The following RAB34 variants were observed in gnomAD, a reference collection of about 807,000 sequenced individuals.
RAB34 encodes RAB34, member RAS oncogene family.
RAB34 carries 33 observed loss-of-function variants against 39.0 expected under a neutral mutation model. The ratio of observed to expected loss-of-function variants is 0.85; its 90% CI spans 0.64 to 1.13. The LOEUF is 1.13. Among genes scored for constraint, RAB34 ranks in the 50% most tolerant of loss-of-function variants. The pLI is 0.00. For missense variants in RAB34, 289 were observed against 326.1 expected (o/e 0.89, Z 0.88); for synonymous variants, 135 against 125.1 (o/e 1.08, Z -0.53).
Position 28,716,974 on chromosome 17 carries a change from A to G in RAB34, c.75T>C (p.Ala25=), listed in dbSNP as rs775256706. 6.2e-7 allele frequency: 1 copy of G among 1,613,518 alleles called. No individual in the cohort carries two copies. The highest frequency in any genetic ancestry group is 1.1e-5 in the South Asian group (1 of 91,042). ...GGTGGAAGTCTTTGTGCCCGTGCAA[A>G]GCGGCCTCCTTCCTCAGGCACTTAG... ...ELPQCLRKEA[A]LHGHKDFHPR... The change falls in exon 2 of 10, where the codon GCT becomes GCC. Residue 25 remains alanine (A), a synonymous_variant. Coordinates refer to ENST00000395245, the MANE Select transcript of RAB34 (RefSeq NM_031934.6).
chr17:28,715,384 T>C lies in RAB34; in HGVS notation c.431+72A>G. On this transcript the variant is annotated intron_variant, in intron 6 of 9. Transcript: ENST00000395245. Reference sequence around the variant, plus strand: ...TCTGGTCCTACATGCATTCTTCTTCTTCCTGACCACCCCTCTGTTCTGAAC... The same window carrying C: ...TCTGGTCCTACATGCATTCTTCTTCCTCCTGACCACCCCTCTGTTCTGAAC... 1.9e-6 allele frequency: 3 copies of C among 1,602,492 alleles called. 1 individual carries two copies. Among genetic ancestry groups the C allele is most frequent in the Non-Finnish European group, 2.6e-6 (3 of 1,172,116 alleles).
upstream of RAB34, chr17:28,718,280 C>T (rs527782156): frequency 5.9e-6 from 9 of 1,535,974 alleles, no homozygotes; most frequent in African/African-American, 1.4e-5. Flanking sequence ...AGTCTGCCCC[C>T]TCTCGCCCTT....
At position 28,717,456 on chromosome 17, in the gene RAB34, C is replaced by A. The variant is rs776083308; in HGVS notation, c.-190G>T. 6.8e-7 allele frequency: 1 copy of A among 1,467,652 alleles called. No homozygotes were observed. Among genetic ancestry groups the A allele is most frequent in the South Asian group, 1.3e-5 (1 of 76,726 alleles). 90.9% of individuals were successfully genotyped at this position (1,467,652 alleles called of 1,614,324 possible). A position where few individuals can be genotyped will look rare whatever the true frequency, so the allele number is the denominator to read the frequency against. ...ACCACCGCGGGCCACGGAGATGAAA[C>A]AATCACCCGGGGCCGCGGCGAGCCC... On this transcript the variant is annotated 5_prime_UTR_variant, in exon 1 of 10. Transcript: ENST00000395245.
chr17:28,714,408 T>A lies in RAB34; in HGVS notation c.*235A>T, dbSNP rs571361988. ...CAGAGACACTCTCCCTCACTACCAC[T>A]GGGCGCCCTGGACAGTCCCCTGAGG... On this transcript the variant is annotated 3_prime_UTR_variant, in exon 10 of 10. Coordinates refer to ENST00000395245, the MANE Select transcript of RAB34 (RefSeq NM_031934.6). The A allele has an allele frequency of 7.9e-5, 58 of 733,888 alleles. No homozygotes were observed. In the African/African-American group the frequency reaches 9.5e-4, roughly 12 times the overall value. 45.5% of individuals were successfully genotyped at this position (733,888 alleles called of 1,614,324 possible).
chr17:28,718,415 G>T, upstream of RAB34: 1 of 631,944 alleles, frequency 1.6e-6, no homozygotes, highest in Non-Finnish European at 2.6e-6. Context: ...CTTCAAGGCT[G>T]CTGTGTAGAT....
chr17:28,716,016 C>T lies in RAB34; in HGVS notation c.189G>A (p.Val63=). ...SKVIVVGDLS[V]GKTCLINRFC... ...ACCTATTAATGAGGCAAGTCTTCCC[C>T]ACCGACAGGTCCCCCACCACAATGA... The change falls in exon 3 of 10, where the codon GTG becomes GTA. Residue 63 remains valine (V), a synonymous_variant. Coordinates refer to ENST00000395245, the MANE Select transcript of RAB34 (RefSeq NM_031934.6). The T allele has an allele frequency of 6.2e-7, 1 of 1,614,050 alleles. No homozygotes were observed. The highest frequency in any genetic ancestry group is 8.5e-7 in the Non-Finnish European group (1 of 1,180,016).
chr17:28,717,437 G>C lies in RAB34; in HGVS notation c.-171C>G. The C allele has an allele frequency of 1.3e-6, 2 of 1,483,234 alleles. No homozygotes were observed. Among genetic ancestry groups the C allele is most frequent in the Non-Finnish European group, 1.8e-6 (2 of 1,116,328 alleles). 91.9% of individuals were successfully genotyped at this position (1,483,234 alleles called of 1,614,324 possible). On this transcript the variant is annotated 5_prime_UTR_variant, in exon 1 of 10. Coordinates refer to ENST00000395245, the MANE Select transcript of RAB34 (RefSeq NM_031934.6). ...CGGTCTCGGAGACGCTACGACCACC[G>C]CGGGCCACGGAGATGAAACAATCAC...
rs111278698 is a variant in RAB34, at chr17:28,716,841, C to T, written c.146+62G>A. ...AGCCCCAAGGGGGTGGTTGTTTACC[C>T]TCGCTATGACTACAGAGTTTCCTGG... On this transcript the variant is annotated intron_variant, in intron 2 of 9. Transcript: ENST00000395245. 794 of 1,556,350 alleles carry T rather than the reference C, an allele frequency of 5.1e-4. 7 individuals carry two copies. The African/African-American group carries it at 8.1e-3, about 16-fold the overall frequency.
chr17:28,715,585 A>G, intron 5 of RAB34, 56 bp downstream of exon 5: 3 of 1,614,026 alleles, frequency 1.9e-6, no homozygotes, highest in African/African-American at 1.3e-5. Flanking sequence ...CCAGCTCCAT[A>G]TGAGAAGCCA....
chr17:28,715,280 C>T lies in RAB34; in HGVS notation c.432-4G>A, dbSNP rs1376547315. 6.2e-7 allele frequency: 1 copy of T among 1,612,218 alleles called. No individual in the cohort carries two copies. Among genetic ancestry groups the T allele is most frequent in the African/African-American group, 1.3e-5 (1 of 75,010 alleles). On this transcript the variant is annotated splice_region_variant and splice_polypyrimidine_tract_variant and intron_variant, in intron 6 of 9. Coordinates refer to ENST00000395245, the MANE Select transcript of RAB34 (RefSeq NM_031934.6). ...CAGGGCATCGGCCAGCCACTGCCTG[C>T]CATGGGAGGTGGAAAGTAAGGGATG...
upstream of RAB34, chr17:28,717,984 G>A: frequency 3.7e-6 from 3 of 803,152 alleles, no homozygotes; most frequent in Non-Finnish European, 4.7e-6. Context: ...GCGTTGCCCC[G>A]CTCAGGCTCC....
intron 2 of RAB34, 27 bp from the exon 3 acceptor site, chr17:28,716,085 G>GAGT (rs766039388): frequency 1.2e-6 from 2 of 1,613,200 alleles, no homozygotes; most frequent in East Asian, 4.5e-5. Flanking sequence ...TGGGCAAGGG[G>GAGT]AGTGGGCACG....
Position 28,714,413 on chromosome 17 carries a change from GC to G in RAB34, c.*229del. 1 of 774,458 alleles carries G rather than the reference GC, an allele frequency of 1.3e-6. No homozygotes were observed. Among genetic ancestry groups the G allele is most frequent in the East Asian group, 2.7e-5 (1 of 37,416 alleles). 48.0% of individuals were successfully genotyped at this position (774,458 alleles called of 1,614,324 possible). The stretch of plus-strand genomic sequence containing the variant: ...ACACTCTCCCTCACTACCACTGGGC[GC>G]CCTGGACAGTCCCCTGAGGAGTAGG... On this transcript the variant is annotated 3_prime_UTR_variant, in exon 10 of 10. Coordinates refer to ENST00000395245, the MANE Select transcript of RAB34 (RefSeq NM_031934.6).
chr17:28,717,729 C>G lies in RAB34; in HGVS notation c.-463G>C. The G allele has an allele frequency of 7.6e-7, 1 of 1,315,468 alleles. No homozygotes were observed. The highest frequency in any genetic ancestry group is 9.6e-7 in the Non-Finnish European group (1 of 1,036,784). The allele number at this position is 1,315,468 out of a possible 1,614,324, so 81.5% of individuals were successfully genotyped here. On this transcript the variant is annotated 5_prime_UTR_variant, in exon 1 of 10. Transcript: ENST00000395245. ...ACCATTACAGAGCGGCCCGGGGGCG[C>G]GGAGCGGCCCCGCCACACGGGGTCA...
At chr17:28,718,308 G>A (rs764070293), upstream of RAB34, 7 of 1,510,374 alleles carry the variant, frequency 4.6e-6, no homozygotes, top group African/African-American at 8.6e-5. Flanking sequence ...GGGAGGTCGG[G>A]GGTGAGGATG....
rs192449489 is a variant in RAB34 at position 28,715,075 on chromosome 17, G to A, written c.561C>T (p.Ala187=). 1.9e-6 allele frequency: 3 copies of A among 1,613,962 alleles called. No individual in the cohort carries two copies. In the African/African-American group the frequency reaches 4.0e-5, roughly 22 times the overall value. Residue 187 remains alanine (A), a synonymous_variant, in exon 8 of 10, where the codon GCC becomes GCT. Transcript: ENST00000395245. ...ALMEKDALQV[A]QEMKAEYWAV... ...CCCAGTACTCAGCCTTCATCTCCTG[G>A]GCCACCTGGAGGGCGTCTTTCTCCA...
Position 28,717,546 on chromosome 17 carries a change from AT to A in RAB34, c.-281del. 1 of 1,418,128 alleles carries A rather than the reference AT, an allele frequency of 7.1e-7. No individual in the cohort carries two copies. The highest frequency in any genetic ancestry group is 1.5e-5 in the African/African-American group (1 of 67,330). The allele number at this position is 1,418,128 out of a possible 1,614,324, so 87.8% of individuals were successfully genotyped here. On this transcript the variant is annotated 5_prime_UTR_variant, in exon 1 of 10. The change creates a premature stop within an existing upstream ORF in the 5' untranslated region. Coordinates refer to ENST00000395245, the MANE Select transcript of RAB34 (RefSeq NM_031934.6). ...GGGCGAGGAGACTCTTCGGCCGCCA[AT>A]TGGGGGCGGGGAGTCCCGTCTGGTG... is the stretch of plus-strand genomic sequence containing the variant.
At chr17:28,717,024 C>T in intron 1 of RAB34, 30 bp from the exon 2 acceptor site, 4 of 1,609,218 alleles carry the variant, frequency 2.5e-6, no homozygotes, top group Non-Finnish European at 3.4e-6. Context: ...GAGAATGGAG[C>T]TTCCTACTCC....
At chr17:28,717,877 C>T, upstream of RAB34, 1 of 1,360,146 alleles carries the variant, frequency 7.4e-7, no homozygotes, top group Non-Finnish European at 9.4e-7. Flanking sequence ...GTAACACGAT[C>T]CCCGGAAATT....
Sources: gnomAD v4.1 joint callset for allele counts on GRCh38, gnomAD v4.1.1 for gene constraint, MANE v1.5 for transcripts, NCBI Gene and HGNC (gene_info 2026-07-23, HGNC 2026-07-21) for gene names.